The following PRSS55 variants were observed in gnomAD, a reference collection of about 807,000 sequenced individuals.
PRSS55 encodes serine protease 55, also known as probable serine protease UNQ9391/PRO34284.
PRSS55 carries 41 observed loss-of-function variants against 23.6 expected under a neutral mutation model. The ratio of observed to expected loss-of-function variants is 1.74; its 90% CI spans 1.35 to 2.26. The LOEUF (loss-of-function observed/expected upper bound fraction) is 2.26, where lower values mean the gene tolerates loss of function less well. PRSS55 is among the 30% of genes most tolerant of loss of function. The probability of loss-of-function intolerance (pLI) is 0.00; values close to 1 mark genes in which losing one functional copy is unlikely to be tolerated. For synonymous variants in PRSS55, 262 were observed against 175.5 expected (o/e 1.49, Z -3.90); for missense variants, 669 against 439.1 (o/e 1.52, Z -4.68).
exon 5 of PRSS55, chr8:10,554,079 A>C (rs1283552448): frequency 7.8e-7 from 1 of 1,288,598 alleles, no homozygotes; most frequent in Non-Finnish European, 1.1e-6. Flanking sequence ...GGCAGAAAAC[A>C]TACCCTTGGG....
At chr8:10,539,787 G>T (rs913788725), downstream of PRSS55, among the ~76,000 whole-genome samples, 1 of 152,330 alleles carries the variant, frequency 6.6e-6, no homozygotes, top group East Asian at 1.9e-4. Context: ...ACATGGAACT[G>T]TGAGTCCATA....
At chr8:10,544,916 A>G (rs1028329935) in intron 4 of PRSS55, 4 of 662,930 alleles carry the variant, frequency 6.0e-6, no homozygotes, top group South Asian at 6.8e-5. Context: ...ATAGATTTTA[A>G]GAGAAGAAAG....
At chr8:10,540,289 G>C (rs28379542), downstream of PRSS55, 48,328 of 152,268 alleles carry the variant, frequency 0.32, 7,833 homozygotes, top group South Asian at 0.43. Flanking sequence ...CTTTCCTCTG[G>C]ATTCGAATTT....
downstream of PRSS55, chr8:10,541,591 T>G (rs1012350038): frequency 6.6e-6 from 1 of 152,210 alleles, no homozygotes; most frequent in African/African-American, 2.4e-5. Context: ...GCTTCATATC[T>G]GTACCTATAT....
intron 1 of PRSS55, among the ~76,000 whole-genome samples, chr8:10,527,925 C>T (rs1013114879): frequency 3.3e-5 from 5 of 152,066 alleles, no homozygotes; most frequent in African/African-American, 1.2e-4. Context: ...CCACAAGTAC[C>T]GAATAGGCCG....
At chr8:10,535,912 A>G (rs1812437497) in intron 4 of PRSS55, among the ~76,000 whole-genome samples, 1 of 152,202 alleles carries the variant, frequency 6.6e-6, no homozygotes, top group Non-Finnish European at 1.5e-5. Flanking sequence ...AGGGGCCGGG[A>G]GCGGTGGTTC....
chr8:10,544,022 G>T (rs867883317), intron 4 of PRSS55, among the ~76,000 whole-genome samples: 5 of 152,292 alleles, frequency 3.3e-5, no homozygotes, highest in Middle Eastern at 6.8e-3. Flanking sequence ...GTGTTCTATA[G>T]ATGTTTATTA....
At chr8:10,539,703 C>G (rs965230515), downstream of PRSS55, among the ~76,000 whole-genome samples, 1 of 152,196 alleles carries the variant, frequency 6.6e-6, no homozygotes, top group Non-Finnish European at 1.5e-5. Context: ...TCGCTTGGCC[C>G]TTGTTCTCTC....
At chr8:10,552,828 A>T (rs1269706052) in intron 4 of PRSS55, among the ~76,000 whole-genome samples, 1 of 152,248 alleles carries the variant, frequency 6.6e-6, no homozygotes, top group Non-Finnish European at 1.5e-5. Context: ...TAGGAATGTA[A>T]ATTAATACAA....
At chr8:10,526,525 A>T (rs1047804785) in intron 1 of PRSS55, among the ~76,000 whole-genome samples, 1 of 152,244 alleles carries the variant, frequency 6.6e-6, no homozygotes, top group Non-Finnish European at 1.5e-5. Flanking sequence ...AGGGGAGAGC[A>T]TCAGCAGAAT....
At chr8:10,544,491 T>G (rs1563548066) in intron 4 of PRSS55, among the ~76,000 whole-genome samples, 1 of 152,238 alleles carries the variant, frequency 6.6e-6, no homozygotes, top group Non-Finnish European at 1.5e-5. Context: ...AATTGCATTT[T>G]TAGTCCACTC....
chr8:10,533,935 G>C (rs1812362282), intron 4 of PRSS55, among the ~76,000 whole-genome samples: 1 of 152,140 alleles, frequency 6.6e-6, no homozygotes, highest in African/African-American at 2.4e-5. Context: ...CTTGAGAGGT[G>C]GGTACTGAAA....
At chr8:10,526,848 G>C (rs1470168342) in intron 1 of PRSS55, among the ~76,000 whole-genome samples, 1 of 152,194 alleles carries the variant, frequency 6.6e-6, no homozygotes, top group Non-Finnish European at 1.5e-5. Context: ...GCTTATTTTA[G>C]GAATGAAGAA....
chr8:10,530,921 T>G (rs1812230045), intron 2 of PRSS55, among the ~76,000 whole-genome samples: 1 of 152,130 alleles, frequency 6.6e-6, no homozygotes, highest in South Asian at 2.1e-4. Flanking sequence ...ACAAAACAGA[T>G]ATAATAATGA....
intron 4 of PRSS55, among the ~76,000 whole-genome samples, chr8:10,548,101 CT>C (rs1024380704): frequency 3.3e-5 from 5 of 152,116 alleles, no homozygotes; most frequent in African/African-American, 1.2e-4. Context: ...ATCTCTGGGC[CT>C]TTCCAGAACA....
intron 4 of PRSS55, 69 bp from the exon 5 acceptor site, chr8:10,538,407 A>C (rs1434148964): frequency 1.6e-6 from 2 of 1,212,434 alleles, no homozygotes; most frequent in African/African-American, 3.0e-5. Context: ...TCCATGAATG[A>C]GCTGTGCCCA....
intron 3 of PRSS55, among the ~76,000 whole-genome samples, chr8:10,532,557 T>C (rs1192098097): frequency 6.6e-6 from 1 of 152,176 alleles, no homozygotes; most frequent in Non-Finnish European, 1.5e-5. Context: ...TGTAATAAAA[T>C]GTCACAATAG....
Position 10,538,738 on chromosome 8 carries a change from C to G in PRSS55, c.1004C>G (p.Ser335Cys), listed in dbSNP as rs759392928. The stretch of plus-strand genomic sequence containing the variant: ...GTCCCAGAGCCAGGCAGCCCCAGAT[C>G]CTGGCTCCTGCTCTGTCCCCTGTCC... ...SGVPEPGSPR[S>C]WLLLCPLSHV... The change falls in exon 5 of 5, where the codon TCC (serine) becomes TGC (cysteine). Residue 335 changes from serine to cysteine, a missense_variant. Coordinates refer to ENST00000328655, the MANE Select transcript of PRSS55 (RefSeq NM_198464.4). 1 of 1,612,350 alleles carries G rather than the reference C, an allele frequency of 6.2e-7. No homozygotes were observed. Among genetic ancestry groups the G allele is most frequent in the East Asian group, 2.2e-5 (1 of 44,864 alleles).
At chr8:10,536,617 A>G (rs980686566) in intron 4 of PRSS55, among the ~76,000 whole-genome samples, 4 of 152,160 alleles carry the variant, frequency 2.6e-5, no homozygotes, top group African/African-American at 7.2e-5. Flanking sequence ...ATCAAACTAC[A>G]TGTCCTTCGA....
Sources: allele counts gnomAD v4.1 joint callset (sites outside exome capture counted in the v4.1 genomes callset), GRCh38; gene constraint gnomAD v4.1.1; transcripts MANE v1.5; gene names NCBI Gene and HGNC (gene_info 2026-07-23, HGNC 2026-07-21).